PPP2R2B: variants seen among roughly 807,000 people sequenced by gnomAD.
The protein encoded by PPP2R2B is serine/threonine-protein phosphatase 2A 55 kDa regulatory subunit B beta isoform.
Under a neutral mutation model 46.0 loss-of-function variants are expected in PPP2R2B, and 5 were observed. That is an observed-to-expected ratio of 0.11 (90% CI 0.06 to 0.23). PPP2R2B has a LOEUF of 0.23. Among genes scored for constraint, PPP2R2B ranks in the 10% least tolerant of loss-of-function variants. PPP2R2B has a pLI of 1.00. For missense variants in PPP2R2B, 367 were observed against 575.0 expected, an observed-to-expected ratio of 0.64 and a Z score of 3.70; for synonymous variants, 215 against 206.7, an observed-to-expected ratio of 1.04 and a Z score of -0.34.
chr5:146,780,877 A>C (rs1273244055), intron 2 of PPP2R2B, among the ~76,000 whole-genome samples: 1 of 151,818 alleles, frequency 6.6e-6, no homozygotes, highest in Non-Finnish European at 1.5e-5. Flanking sequence ...TATATATCTC[A>C]CACCTCTTTC....
chr5:146,880,193 G>A (rs935405114), upstream of PPP2R2B, among the ~76,000 whole-genome samples: 25 of 150,048 alleles, frequency 1.7e-4, no homozygotes, highest in South Asian at 4.0e-3. Flanking sequence ...GTGTGTGTGT[G>A]TGTGTGTGTG....
chr5:146,800,994 G>A (rs1375312329), intron 2 of PPP2R2B, among the ~76,000 whole-genome samples: 1 of 152,002 alleles, frequency 6.6e-6, no homozygotes, highest in Non-Finnish European at 1.5e-5. Flanking sequence ...ATATCATTCA[G>A]CCTTTAAAAG....
chr5:146,710,776 C>A (rs1321824430), intron 2 of PPP2R2B, among the ~76,000 whole-genome samples: 3 of 152,224 alleles, frequency 2.0e-5, no homozygotes, highest in African/African-American at 7.2e-5. Context: ...GACTCCAGGT[C>A]CAAAATGAGA....
intron 7 of PPP2R2B, among the ~76,000 whole-genome samples, chr5:146,628,280 C>T (rs1284416651): frequency 2.0e-5 from 3 of 152,142 alleles, no homozygotes; most frequent in East Asian, 3.9e-4. Context: ...AGTGCTTATG[C>T]CATTTCCCCC....
At position 146,985,981 on chromosome 5, in the gene PPP2R2B, C is replaced by G. The variant is rs375366202; in HGVS notation, c.79+69684G>C. Reference sequence around the variant, plus strand: ...GGTAGAGCAAGATGGCATAATAGAACCCTCTGACAAGTATCCCCCAACAAG... The same window carrying G: ...GGTAGAGCAAGATGGCATAATAGAAGCCTCTGACAAGTATCCCCCAACAAG... On this transcript the variant is annotated intron_variant, in intron 1 of 8. Transcript: ENST00000336640. Among the ~76,000 whole-genome samples the G allele has an allele frequency of 3.3e-3, 496 of 152,180 alleles. 7 individuals are homozygous for G. The South Asian group carries it at 0.035, about 11-fold the overall frequency.
intron 2 of PPP2R2B, among the ~76,000 whole-genome samples, chr5:146,722,993 T>C (rs1021186154): frequency 6.6e-6 from 1 of 152,196 alleles, no homozygotes; most frequent in African/African-American, 2.4e-5. Context: ...TCTCTATTCA[T>C]CCTCGATCCT....
At chr5:147,056,877 A>G (rs1335170428), upstream of PPP2R2B, among the ~76,000 whole-genome samples, 56 of 152,216 alleles carry the variant, frequency 3.7e-4, 2 homozygotes, top group Admixed American at 3.7e-3. Context: ...GTTCTGTCAA[A>G]GACACTATTG....
At chr5:146,661,138 G>A (rs1776640253) in intron 5 of PPP2R2B, among the ~76,000 whole-genome samples, 1 of 152,230 alleles carries the variant, frequency 6.6e-6, no homozygotes, top group African/African-American at 2.4e-5. Flanking sequence ...ACTGGGCAGT[G>A]TCTGGAGGTA....
chr5:146,932,891 C>T (rs1363554158), intron 1 of PPP2R2B, among the ~76,000 whole-genome samples: 1 of 152,080 alleles, frequency 6.6e-6, no homozygotes, highest in Non-Finnish European at 1.5e-5. Flanking sequence ...CTTCCTTGAG[C>T]AAGGGGGCAG....
intron 2 of PPP2R2B, among the ~76,000 whole-genome samples, chr5:146,724,790 C>T (rs1422969985): frequency 1.3e-5 from 2 of 152,072 alleles, no homozygotes; most frequent in African/African-American, 4.8e-5. Context: ...GCAAGTCTAT[C>T]TGGGAGTTAC....
At chr5:146,758,769 T>C (rs1003717060) in intron 2 of PPP2R2B, among the ~76,000 whole-genome samples, 6 of 152,168 alleles carry the variant, frequency 3.9e-5, no homozygotes, top group Non-Finnish European at 5.9e-5. Context: ...AGAGAATATC[T>C]TCTGTAGGTC....
At chr5:146,961,057 C>T (rs140867214) in intron 1 of PPP2R2B, among the ~76,000 whole-genome samples, 24 of 152,216 alleles carry the variant, frequency 1.6e-4, no homozygotes, top group African/African-American at 5.8e-4. Flanking sequence ...ATTGTTATTA[C>T]CATTGTTGTT....
chr5:146,753,969 A>G (rs1444022649), intron 2 of PPP2R2B, among the ~76,000 whole-genome samples: 1 of 152,112 alleles, frequency 6.6e-6, no homozygotes, highest in Non-Finnish European at 1.5e-5. Context: ...TAAATCAAGC[A>G]GAATTGTAGG....
Position 146,662,553 on chromosome 5 carries a change from A to G in PPP2R2B, c.448-11829T>C, listed in dbSNP as rs560125527. Among the ~76,000 whole-genome samples the G allele has an allele frequency of 1.8e-4, 28 of 152,276 alleles. 2 individuals are homozygous for G. The East Asian group carries it at 2.3e-3, about 13-fold the overall frequency. ...GATGTTGCATGAAGACTCTCACAAG[A>G]TGCTGGCACCTTGATATTGAACTTT... is the stretch of plus-strand genomic sequence containing the variant. On this transcript the variant is annotated intron_variant, in intron 5 of 9. Transcript: ENST00000394411.
intron 5 of PPP2R2B, among the ~76,000 whole-genome samples, chr5:146,687,555 G>T (rs1778585844): frequency 6.6e-6 from 1 of 152,138 alleles, no homozygotes; most frequent in African/African-American, 2.4e-5. Context: ...CTATTCTGAA[G>T]ATGAATCAAG....
At chr5:146,731,948 G>T (rs1440689147) in intron 2 of PPP2R2B, among the ~76,000 whole-genome samples, 1 of 152,082 alleles carries the variant, frequency 6.6e-6, no homozygotes, top group African/African-American at 2.4e-5. Flanking sequence ...TGACCCCAAA[G>T]TTAGAGCGTA....
chr5:146,631,675 T>C (rs945721748), intron 7 of PPP2R2B, among the ~76,000 whole-genome samples: 59 of 152,308 alleles, frequency 3.9e-4, no homozygotes, highest in African/African-American at 1.4e-3. Context: ...AAAGTCTGCT[T>C]TGTTCAGAAA....
At chr5:146,591,693 C>T (rs537373780) in intron 9 of PPP2R2B, among the ~76,000 whole-genome samples, 1 of 147,314 alleles carries the variant, frequency 6.8e-6, no homozygotes, top group African/African-American at 2.5e-5. Context: ...AAAAAAAAGA[C>T]TACCAACCTT....
chr5:146,639,888 G>A (rs1372146182), intron 6 of PPP2R2B, among the ~76,000 whole-genome samples: 1 of 152,202 alleles, frequency 6.6e-6, no homozygotes. Flanking sequence ...GCAAATGCGT[G>A]TGCCAGGAGT....
Sources: allele counts gnomAD v4.1 joint callset (sites outside exome capture counted in the v4.1 genomes callset), GRCh38; gene constraint gnomAD v4.1.1; transcripts MANE v1.5; gene names NCBI Gene and HGNC (gene_info 2026-07-23, HGNC 2026-07-21).